CHST11: variants seen among roughly 807,000 people sequenced by gnomAD.
CHST11 encodes the protein C4S-1.
CHST11 carries 9 observed loss-of-function variants against 30.4 expected under a neutral mutation model. The ratio of observed to expected loss-of-function variants is 0.30; its 90% CI spans 0.18 to 0.52. The LOEUF (loss-of-function observed/expected upper bound fraction) is 0.52. Among genes scored for constraint, CHST11 ranks in the 20% least tolerant of loss-of-function variants. The pLI, the probability that CHST11 is intolerant of heterozygous loss-of-function variation, is 0.97. For missense variants in CHST11, 348 were observed against 460.6 expected (o/e 0.76, Z 2.24); for synonymous variants, 152 against 187.8 (o/e 0.81, Z 1.56).
At chr12:104,487,888 G>A (rs191553245) in intron 1 of CHST11, among the ~76,000 whole-genome samples, 23 of 150,290 alleles carry the variant, frequency 1.5e-4, no homozygotes, top group African/African-American at 3.4e-4. Flanking sequence ...ATACCACTTC[G>A]TACATCTATT....
chr12:104,599,778 T>A (rs2038941350), intron 1 of CHST11, among the ~76,000 whole-genome samples: 1 of 152,342 alleles, frequency 6.6e-6, no homozygotes, highest in South Asian at 2.1e-4. Flanking sequence ...GGGGCAGTTC[T>A]CTAGGGCAAG....
rs59114695 is a variant in CHST11, at chr12:104,481,780, T to TTTACTTCC, written c.118+24253_118+24254insACTTCCTT. On this transcript the variant is annotated intron_variant, in intron 1 of 2. Transcript: ENST00000303694. Reference sequence around the variant, plus strand: ...GTAAATAGGACTGTTTCCTTCCTTCTTTCCTTCCTTCCTTCCTTCCTTCCT... The same window carrying TTTACTTCC: ...GTAAATAGGACTGTTTCCTTCCTTCTTTACTTCCTTCCTTCCTTCCTTCCTTCCTTCCT... Among the ~76,000 whole-genome samples the TTTACTTCC allele has an allele frequency of 4.8e-3, 731 of 150,798 alleles. 8 individuals are homozygous for TTTACTTCC. The highest frequency in any genetic ancestry group is 0.031 in the Middle Eastern group (9 of 292).
chr12:104,577,859 TG>T (rs2038700673), intron 1 of CHST11, among the ~76,000 whole-genome samples: 1 of 152,220 alleles, frequency 6.6e-6, no homozygotes, highest in African/African-American at 2.4e-5. Flanking sequence ...TCTTACCACG[TG>T]TCAACAAAAG....
At chr12:104,609,447 C>T (rs927587233) in intron 2 of CHST11, among the ~76,000 whole-genome samples, 14 of 152,230 alleles carry the variant, frequency 9.2e-5, no homozygotes, top group African/African-American at 3.4e-4. Flanking sequence ...TGAACTACCT[C>T]TTTCACTGTG....
intron 2 of CHST11, among the ~76,000 whole-genome samples, chr12:104,710,203 C>G (rs1433327546): frequency 6.6e-6 from 1 of 151,806 alleles, no homozygotes; most frequent in Non-Finnish European, 1.5e-5. Context: ...CTGTCTCAAA[C>G]AAAAAAAGAA....
At chr12:104,623,771 A>G (rs7133744) in intron 2 of CHST11, among the ~76,000 whole-genome samples, 94,691 of 151,822 alleles carry the variant, frequency 0.62, 29,950 homozygotes, top group East Asian at 0.91. Flanking sequence ...GCTCTATCTC[A>G]CCGTCTCTGC....
chr12:104,570,295 G>A (rs753478384), intron 1 of CHST11, among the ~76,000 whole-genome samples: 6 of 151,986 alleles, frequency 3.9e-5, no homozygotes, highest in East Asian at 1.9e-4. Flanking sequence ...TGAGAAAATC[G>A]ACTCATTTTT....
intron 2 of CHST11, among the ~76,000 whole-genome samples, chr12:104,667,982 T>C (rs1046325264): frequency 2.0e-5 from 3 of 152,280 alleles, no homozygotes; most frequent in African/African-American, 7.2e-5. Context: ...GGAACTGGAT[T>C]CATGGGGTTT....
chr12:104,476,305 T>G (rs1200626071), intron 1 of CHST11, among the ~76,000 whole-genome samples: 1 of 150,776 alleles, frequency 6.6e-6, no homozygotes, highest in Non-Finnish European at 1.5e-5. Flanking sequence ...GTGAATAATA[T>G]ATACATATGT....
chr12:104,617,712 T>G (rs1370362162), intron 2 of CHST11, among the ~76,000 whole-genome samples: 1 of 152,210 alleles, frequency 6.6e-6, no homozygotes, highest in East Asian at 1.9e-4. Flanking sequence ...TCGGTTCAAA[T>G]TTATACTTAC....
intron 1 of CHST11, among the ~76,000 whole-genome samples, chr12:104,526,435 C>T (rs999848885): frequency 2.6e-5 from 4 of 152,214 alleles, no homozygotes; most frequent in Admixed American, 2.0e-4. Flanking sequence ...CAGCCGGCTA[C>T]TTCCTGGGAT....
chr12:104,606,345 G>A (rs1043901251), intron 2 of CHST11, among the ~76,000 whole-genome samples: 2 of 151,616 alleles, frequency 1.3e-5, no homozygotes, highest in Admixed American at 6.6e-5. Flanking sequence ...AGGATGAGGA[G>A]GGAGAAGGAA....
chr12:104,466,312 T>C (rs562654752), intron 1 of CHST11, among the ~76,000 whole-genome samples: 1 of 152,276 alleles, frequency 6.6e-6, no homozygotes, highest in East Asian at 1.9e-4. Flanking sequence ...TATGTTGGCA[T>C]GGCTGTTCAA....
At chr12:104,607,398 T>C (rs1184406468) in intron 2 of CHST11, among the ~76,000 whole-genome samples, 1 of 152,184 alleles carries the variant, frequency 6.6e-6, no homozygotes, top group Non-Finnish European at 1.5e-5. Flanking sequence ...CTATGGACAC[T>C]TGTAGAATAA....
chr12:104,518,555 G>T (rs1043162980), intron 1 of CHST11, among the ~76,000 whole-genome samples: 1 of 152,116 alleles, frequency 6.6e-6, no homozygotes, highest in African/African-American at 2.4e-5. Flanking sequence ...AGATTCACTG[G>T]CATAGTTAAT....
At chr12:104,528,297 G>T (rs2038148443) in intron 1 of CHST11, among the ~76,000 whole-genome samples, 1 of 152,138 alleles carries the variant, frequency 6.6e-6, no homozygotes, top group Admixed American at 6.5e-5. Context: ...CTGGGAGATG[G>T]CATAGCCCAG....
intron 2 of CHST11, among the ~76,000 whole-genome samples, chr12:104,602,794 C>G (rs1292832240): frequency 6.6e-6 from 1 of 152,206 alleles, no homozygotes; most frequent in Non-Finnish European, 1.5e-5. Flanking sequence ...ACTGCTTTGG[C>G]TACAGTCTCT....
chr12:104,517,262 CA>C (rs1200106740), intron 1 of CHST11, among the ~76,000 whole-genome samples: 1 of 152,198 alleles, frequency 6.6e-6, no homozygotes, highest in Non-Finnish European at 1.5e-5. Flanking sequence ...GCCTGGGCTC[CA>C]TCCTCAGAGC....
intron 1 of CHST11, among the ~76,000 whole-genome samples, chr12:104,465,512 T>C (rs1010281171): frequency 1.3e-5 from 2 of 152,370 alleles, no homozygotes; most frequent in African/African-American, 4.8e-5. Flanking sequence ...TCATTTCTCT[T>C]TTCTGGCCCT....
Sources: allele counts gnomAD v4.1 joint callset (sites outside exome capture counted in the v4.1 genomes callset), GRCh38; gene constraint gnomAD v4.1.1; transcripts MANE v1.5; gene names NCBI Gene and HGNC (gene_info 2026-07-23, HGNC 2026-07-21).